Variants in CPZ observed in about 807,000 individuals in gnomAD.
CPZ encodes the protein VEZT/CPZ fusion.
Under a neutral mutation model 61.8 loss-of-function variants are expected in CPZ, and 103 were observed. That is an observed-to-expected ratio of 1.67 (90% CI 1.42 to 1.96). The LOEUF is 1.96. Ranked by LOEUF, CPZ falls within the 30% of genes most tolerant of loss-of-function variation. CPZ has a pLI of 0.00. For synonymous variants in CPZ, 551 were observed against 373.7 expected (o/e 1.47, Z -5.47); for missense variants, 1,461 against 914.9 (o/e 1.60, Z -7.70).
chr4:8,615,973 A>G (rs971236378), intron 9 of CPZ, among the ~76,000 whole-genome samples: 5 of 152,186 alleles, frequency 3.3e-5, no homozygotes, highest in African/African-American at 7.2e-5. Context: ...CCATTCTTCT[A>G]TGAGCTCTCG....
intron 7 of CPZ, among the ~76,000 whole-genome samples, chr4:8,609,187 T>TTCACTCACTCCC (rs1715380115): frequency 1.8e-5 from 2 of 110,520 alleles, no homozygotes; most frequent in Non-Finnish European, 3.9e-5. Context: ...CACTCAGGCA[T>TTCACTCACTCCC]TCACTCACTC....
At chr4:8,608,640 A>G (rs79363222) in intron 7 of CPZ, among the ~76,000 whole-genome samples, 1 of 2,132 alleles carries the variant, frequency 4.7e-4, no homozygotes, top group Non-Finnish European at 1.2e-3. Context: ...CTGTGAGTGC[A>G]CGTGTGTGCG....
chr4:8,608,154 C>CCCCCAGT (rs1315319703), intron 7 of CPZ, among the ~76,000 whole-genome samples: 1 of 151,208 alleles, frequency 6.6e-6, no homozygotes, highest in Non-Finnish European at 1.5e-5. Context: ...CAGCCCCCAG[C>CCCCCAGT]CCCCAGCTGC....
chr4:8,606,717 G>T lies in CPZ; in HGVS notation c.907-20G>T, dbSNP rs201336324. The stretch of plus-strand genomic sequence containing the variant: ...GGGGTGTGCTGACCCCACCCAGTCG[G>T]GGGTTGGCCATGTTTTCAGGGTGCC... On this transcript the variant is annotated intron_variant, in intron 5 of 10. Transcript: ENST00000360986. 2,100 of 1,614,024 alleles carry T rather than the reference G, an allele frequency of 1.3e-3. 1 individual carries two copies. Among genetic ancestry groups the T allele is most frequent in the Non-Finnish European group, 1.7e-3 (1,989 of 1,179,968 alleles).
intron 1 of CPZ, among the ~76,000 whole-genome samples, chr4:8,597,832 T>C (rs1265608474): frequency 6.6e-6 from 1 of 152,216 alleles, no homozygotes; most frequent in Admixed American, 6.5e-5. Flanking sequence ...TCTCACAGTA[T>C]TCCTACAAAA....
intron 1 of CPZ, among the ~76,000 whole-genome samples, chr4:8,596,413 C>A (rs1313112220): frequency 6.6e-6 from 1 of 152,218 alleles, no homozygotes; most frequent in Non-Finnish European, 1.5e-5. Context: ...ACAAACCCAC[C>A]CCTCTCTGTG....
At chr4:8,618,178 C>T (rs910827245) in intron 9 of CPZ, 10 of 506,800 alleles carry the variant, frequency 2.0e-5, no homozygotes, top group Admixed American at 3.4e-5. Flanking sequence ...AGCCAGGCCT[C>T]GGGTGAGATG....
intron 7 of CPZ, among the ~76,000 whole-genome samples, chr4:8,609,842 G>T (rs1343097205): frequency 6.6e-6 from 1 of 152,206 alleles, no homozygotes; most frequent in African/African-American, 2.4e-5. Flanking sequence ...GGAAACCAGG[G>T]TCCCAGGAGA....
At chr4:8,609,957 G>A (rs1287982469) in intron 7 of CPZ, among the ~76,000 whole-genome samples, 4 of 152,184 alleles carry the variant, frequency 2.6e-5, no homozygotes, top group African/African-American at 9.7e-5. Context: ...CAGTGCCTGG[G>A]GACAGTGTTC....
Position 8,607,216 on chromosome 4 carries a change from G to A in CPZ, c.1069-51G>A, listed in dbSNP as rs372862610. 2.4e-5 allele frequency: 38 copies of A among 1,589,002 alleles called. 1 individual carries two copies. Among genetic ancestry groups the A allele is most frequent in the South Asian group, 1.7e-4 (15 of 87,698 alleles). On this transcript the variant is annotated intron_variant, in intron 6 of 10. Transcript: ENST00000360986. ...CTGCTGAAGCCCAGGGCATGGCTGC[G>A]GGCCAGTGGGAAAGCCCAGCCCTGA...
At chr4:8,594,989 G>A (rs994756496) in intron 1 of CPZ, among the ~76,000 whole-genome samples, 25 of 152,254 alleles carry the variant, frequency 1.6e-4, no homozygotes, top group Non-Finnish European at 3.2e-4. Flanking sequence ...GGCCAGGATG[G>A]TCTTGATCTC....
chr4:8,601,712 C>T (rs895848289), intron 3 of CPZ, among the ~76,000 whole-genome samples: 2 of 152,166 alleles, frequency 1.3e-5, no homozygotes, highest in Non-Finnish European at 1.5e-5. Flanking sequence ...CCTCTCGCTG[C>T]CCAGGGCCCC....
intron 1 of CPZ, among the ~76,000 whole-genome samples, chr4:8,593,850 C>T (rs1238836559): frequency 2.0e-5 from 3 of 152,198 alleles, no homozygotes; most frequent in African/African-American, 7.2e-5. Context: ...ACCTCTGCTC[C>T]TCGCCTTACC....
chr4:8,608,266 C>T (rs1715221110), intron 7 of CPZ, among the ~76,000 whole-genome samples: 2 of 151,982 alleles, frequency 1.3e-5, no homozygotes, highest in African/African-American at 4.8e-5. Context: ...AGAGTCGCTC[C>T]CCAGGCTTCG....
intron 10 of CPZ, among the ~76,000 whole-genome samples, chr4:8,618,738 G>A (rs959351476): frequency 2.6e-5 from 4 of 152,194 alleles, no homozygotes; most frequent in South Asian, 2.1e-4. Flanking sequence ...TTGCCCAGCC[G>A]TAGCTACTGA....
intron 8 of CPZ, among the ~76,000 whole-genome samples, chr4:8,612,815 A>C (rs141025436): frequency 6.6e-6 from 1 of 152,196 alleles, no homozygotes; most frequent in Non-Finnish European, 1.5e-5. Context: ...GGCTCAGCTG[A>C]GAGAAGGACT....
At chr4:8,616,995 G>C (rs974435904) in intron 9 of CPZ, among the ~76,000 whole-genome samples, 1 of 152,164 alleles carries the variant, frequency 6.6e-6, no homozygotes, top group Non-Finnish European at 1.5e-5. Flanking sequence ...GATCCCTGTG[G>C]CACAGAGATA....
rs989941657 is a variant in CPZ at position 8,606,828 on chromosome 4, A to G, written c.998A>G (p.Tyr333Cys). 2 of 1,613,780 alleles carry G rather than the reference A, an allele frequency of 1.2e-6. No homozygotes were observed. Among genetic ancestry groups the G allele is most frequent in the Non-Finnish European group, 1.7e-6 (2 of 1,179,988 alleles). The change falls in exon 6 of 11, where the codon TAC becomes TGC. Residue 333 changes from tyrosine (Y) to cysteine (C), a missense_variant. Coordinates refer to ENST00000360986, the MANE Select transcript of CPZ (RefSeq NM_001014447.3). ...RNFPDLTSEY[Y>C]RLAETRGARS... ...TTCCCGGACCTGACGTCCGAGTACT[A>G]CCGGCTGGCGGAGACCCGCGGCGCA...
At position 8,619,578 on chromosome 4, in the gene CPZ, G is replaced by A. The variant is rs139174553; in HGVS notation, c.1920G>A (p.Ser640=). 2.7e-4 allele frequency: 415 copies of A among 1,526,490 alleles called. 2 individuals are homozygous for A. The African/African-American group carries it at 5.1e-3, about 19-fold the overall frequency. The allele number at this position is 1,526,490 out of a possible 1,614,324, so 94.6% of individuals were successfully genotyped here. ...CCTGGTGGTGGTCCTACTTCACATC[G>A]CTGAGCACCCACAGGCCACGCTGGC... ...SKPWWWSYFT[S]LSTHRPRWLL... is the part of the protein sequence containing the mutation. Residue 640 remains serine, a synonymous_variant, in exon 11 of 11, where the codon TCG becomes TCA. Coordinates refer to ENST00000360986, the MANE Select transcript of CPZ (RefSeq NM_001014447.3).
Sources: gnomAD v4.1 joint callset for allele counts (sites outside exome capture counted in the v4.1 genomes callset) on GRCh38, gnomAD v4.1.1 for gene constraint, MANE v1.5 for transcripts, NCBI Gene and HGNC (gene_info 2026-07-23, HGNC 2026-07-21) for gene names.